Variants in AGBL1 observed in about 807,000 individuals in gnomAD.
The protein encoded by AGBL1 is cytosolic carboxypeptidase 4.
AGBL1 carries 130 observed loss-of-function variants against 118.9 expected under a neutral mutation model. The ratio of observed to expected loss-of-function variants is 1.09; its 90% CI spans 0.95 to 1.26. The LOEUF is 1.26. AGBL1 is among the 50% of genes most tolerant of loss of function. The pLI is 0.00. For synonymous variants in AGBL1, 555 were observed against 478.9 expected (o/e 1.16, Z -2.08); for missense variants, 1,584 against 1,298.1 (o/e 1.22, Z -3.38).
intron 22 of AGBL1, among the ~76,000 whole-genome samples, chr15:86,857,105 T>A (rs1006276266): frequency 1.8e-4 from 27 of 152,216 alleles, no homozygotes; most frequent in African/African-American, 6.0e-4. Context: ...GACCAATTTC[T>A]GTACGTTTTA....
chr15:86,185,362 T>C (rs1312268042), intron 5 of AGBL1, among the ~76,000 whole-genome samples: 1 of 152,158 alleles, frequency 6.6e-6, no homozygotes, highest in Non-Finnish European at 1.5e-5. Flanking sequence ...TCCTCAAGGA[T>C]CTAGAACTAG....
intron 6 of AGBL1, among the ~76,000 whole-genome samples, chr15:86,234,832 A>C (rs1320191290): frequency 2.0e-5 from 3 of 152,218 alleles, no homozygotes; most frequent in African/African-American, 7.2e-5. Context: ...TTTTATTGTC[A>C]TCACCATTTC....
rs575197447 is a variant in AGBL1, at chr15:86,573,449, G to A, written c.2994+18912G>A. ...GAAGGAGATGATGATTTAGGCTTCC[G>A]GAAATGTTGGTTGTGTATGTGTGTG... is the stretch of plus-strand genomic sequence containing the variant. On this transcript the variant is annotated intron_variant, in intron 21 of 22. Transcript: ENST00000614907. 3.9e-5 allele frequency among the ~76,000 whole-genome samples: 6 copies of A among 152,224 alleles called. No homozygotes were observed. The East Asian group carries it at 5.8e-4, about 15-fold the overall frequency.
chr15:86,664,523 G>C (rs1266109698), intron 21 of AGBL1, among the ~76,000 whole-genome samples: 1 of 152,142 alleles, frequency 6.6e-6, no homozygotes, highest in Admixed American at 6.6e-5. Context: ...TCTTTGTAAA[G>C]GTTCTGAGAA....
chr15:86,756,235 C>G (rs1041741645), intron 22 of AGBL1, among the ~76,000 whole-genome samples: 1 of 150,926 alleles, frequency 6.6e-6, no homozygotes, highest in African/African-American at 2.5e-5. Flanking sequence ...TCCAGTAGTG[C>G]CCCCGCCCCC....
intron 22 of AGBL1, among the ~76,000 whole-genome samples, chr15:86,676,650 A>G (rs181839853): frequency 9.5e-4 from 144 of 152,266 alleles, no homozygotes; most frequent in African/African-American, 3.2e-3. Flanking sequence ...TGTATGTTTT[A>G]AAGAGGAGAC....
At chr15:86,301,255 A>G (rs1211812703) in intron 17 of AGBL1, among the ~76,000 whole-genome samples, 3 of 152,172 alleles carry the variant, frequency 2.0e-5, no homozygotes, top group East Asian at 1.9e-4. Flanking sequence ...TTAACAATCC[A>G]TAAAGACTAT....
intron 22 of AGBL1, among the ~76,000 whole-genome samples, chr15:86,699,232 A>T (rs1392966139): frequency 6.6e-6 from 1 of 152,030 alleles, no homozygotes; most frequent in East Asian, 1.9e-4. Context: ...GACTATATAT[A>T]CCCAGTCATT....
chr15:86,444,345 CT>C (rs1018584646), intron 18 of AGBL1, among the ~76,000 whole-genome samples: 3 of 152,134 alleles, frequency 2.0e-5, no homozygotes, highest in African/African-American at 7.2e-5. Context: ...GGAATTCTTA[CT>C]CTAGTGTTCA....
chr15:86,459,510 C>T lies in AGBL1; in HGVS notation c.2555+61964C>T, dbSNP rs142069328. ...AACATTGGCCATAAATTTCATAATTCATATTTATAAATAGTTTGGGTGAAA... is the reference window on the plus strand; with the variant it reads ...AACATTGGCCATAAATTTCATAATTTATATTTATAAATAGTTTGGGTGAAA... On this transcript the variant is annotated intron_variant, in intron 18 of 22. Coordinates refer to ENST00000614907, the MANE Select transcript of AGBL1 (RefSeq NM_001386094.1). Among the ~76,000 whole-genome samples the T allele has an allele frequency of 1.2e-3, 177 of 152,162 alleles. 2 individuals are homozygous for T. Among genetic ancestry groups the T allele is most frequent in the South Asian group, 0.011 (55 of 4,830 alleles).
intron 1 of AGBL1, chr15:86,138,123 C>G (rs776686746): frequency 1.3e-5 from 2 of 152,098 alleles, no homozygotes; most frequent in Admixed American, 1.3e-4. Flanking sequence ...CTAGTTCTTG[C>G]CCACAAATAA....
chr15:86,585,881 A>G (rs949611982), intron 21 of AGBL1, among the ~76,000 whole-genome samples: 26 of 152,218 alleles, frequency 1.7e-4, no homozygotes, highest in African/African-American at 6.3e-4. Context: ...CAATGGTGAG[A>G]CAAGGAGCTC....
intron 22 of AGBL1, among the ~76,000 whole-genome samples, chr15:86,834,855 G>A (rs752646615): frequency 6.6e-6 from 1 of 152,178 alleles, no homozygotes; most frequent in Non-Finnish European, 1.5e-5. Context: ...GTGTGGGGAA[G>A]TTAATTTCCT....
At chr15:86,937,975 C>G (rs1421549476) in intron 23 of AGBL1, among the ~76,000 whole-genome samples, 1 of 152,118 alleles carries the variant, frequency 6.6e-6, no homozygotes, top group East Asian at 1.9e-4. Flanking sequence ...AGAGTAAGGT[C>G]TGATGTATTA....
At chr15:86,839,654 GATATGACAACTAA>G (rs1476220089) in intron 22 of AGBL1, among the ~76,000 whole-genome samples, 7 of 152,102 alleles carry the variant, frequency 4.6e-5, no homozygotes, top group Admixed American at 3.3e-4. Context: ...TCCCTTAGCA[GATATGACAACTAA>G]ATATGACAAC....
At chr15:86,642,578 T>C (rs1447896616) in intron 21 of AGBL1, among the ~76,000 whole-genome samples, 2 of 142,478 alleles carry the variant, frequency 1.4e-5, no homozygotes, top group Non-Finnish European at 3.1e-5. Context: ...ACTTTTGTCT[T>C]CTGAAATTAT....
chr15:86,646,902 C>T lies in AGBL1; in HGVS notation c.2995-27371C>T, dbSNP rs148721671. On this transcript the variant is annotated intron_variant, in intron 21 of 22. Coordinates refer to ENST00000614907, the MANE Select transcript of AGBL1 (RefSeq NM_001386094.1). ...AAAAGATATATTTTAAAAATCAACA[C>T]TTAATTATCCAGGAAAAGTTGAATT... is the stretch of plus-strand genomic sequence containing the variant. Among the ~76,000 whole-genome samples the T allele has an allele frequency of 8.7e-3, 1,327 of 152,218 alleles. 14 individuals are homozygous for T. Among genetic ancestry groups the T allele is most frequent in the Admixed American group, 0.016 (243 of 15,274 alleles).
At chr15:86,277,318 A>ATG (rs5814232) in intron 15 of AGBL1, among the ~76,000 whole-genome samples, 3,492 of 147,780 alleles carry the variant, frequency 0.024, 62 homozygotes, top group African/African-American at 0.04. Context: ...GTGTGTGTGT[A>ATG]TGTGTGTGTG....
At chr15:86,511,871 A>T (rs2083056260) in intron 18 of AGBL1, among the ~76,000 whole-genome samples, 1 of 152,030 alleles carries the variant, frequency 6.6e-6, no homozygotes, top group Non-Finnish European at 1.5e-5. Flanking sequence ...TAAATGAAAT[A>T]TATAATTATC....
Sources: gnomAD v4.1 joint callset for allele counts (sites outside exome capture counted in the v4.1 genomes callset) on GRCh38, gnomAD v4.1.1 for gene constraint, MANE v1.5 for transcripts, NCBI Gene and HGNC (gene_info 2026-07-23, HGNC 2026-07-21) for gene names.